The following HOXB13 variants were observed in gnomAD, a reference collection of about 807,000 sequenced individuals.
HOXB13 encodes homeobox B13, also known as homeobox protein Hox-B13.
HOXB13 carries 22 observed loss-of-function variants against 23.1 expected under a neutral mutation model. The observed-to-expected ratio is 0.95, with a 90% CI of 0.68 to 1.36. The LOEUF (loss-of-function observed/expected upper bound fraction) is 1.36, where lower values mean the gene tolerates loss of function less well. Ranked by LOEUF, HOXB13 falls within the 40% of genes most tolerant of loss-of-function variation. The pLI, the probability that HOXB13 is intolerant of heterozygous loss-of-function variation, is 0.00. For synonymous variants in HOXB13, 173 were observed against 157.9 expected (o/e 1.10, Z -0.72); for missense variants, 386 against 376.2 (o/e 1.03, Z -0.22).
At position 48,724,881 on chromosome 17, in the gene HOXB13, G is replaced by T. The variant is rs1242003830; in HGVS notation, c.*1909C>A. 3 of 398,900 alleles carry T rather than the reference G, an allele frequency of 7.5e-6. No homozygotes were observed. Among genetic ancestry groups the T allele is most frequent in the African/African-American group, 2.1e-5 (1 of 48,662 alleles). 24.7% of individuals were successfully genotyped at this position (398,900 alleles called of 1,614,324 possible). A position where few individuals can be genotyped will look rare whatever the true frequency, so the allele number is the denominator to read the frequency against. On this transcript the variant is annotated 3_prime_UTR_variant, in exon 2 of 2. Transcript: ENST00000290295. ...AGTCCAGAGGTTCCAGACCCCCAAA[G>T]GTCTCTACCAGGGCCATCTCCGTTA...
Position 48,728,706 on chromosome 17 carries a change from G to C in HOXB13, c.-113C>G. On this transcript the variant is annotated 5_prime_UTR_variant, in exon 1 of 2. Transcript: ENST00000290295. Reference sequence around the variant, plus strand: ...AAGCGTTTTAAATCGCTCCCAGCTCGCAAGTCGCCTGCATTCGCTCAGCAC... The same window carrying C: ...AAGCGTTTTAAATCGCTCCCAGCTCCCAAGTCGCCTGCATTCGCTCAGCAC... The C allele has an allele frequency of 9.7e-7, 1 of 1,027,926 alleles. No homozygotes were observed. Among genetic ancestry groups the C allele is most frequent in the South Asian group, 1.6e-5 (1 of 63,008 alleles). 63.7% of individuals were successfully genotyped at this position (1,027,926 alleles called of 1,614,324 possible).
chr17:48,728,072 G>T lies in HOXB13; in HGVS notation c.522C>A (p.Leu174=). ...LPVDSYQSWA[L]AGGWNSQMCC... ...ACATCTGGCTGTTCCAGCCACCAGC[G>T]AGAGCCCAAGACTGGTAACTGTCCA... Residue 174 remains leucine, a synonymous_variant, in exon 1 of 2, where the codon CTC becomes CTA. Transcript: ENST00000290295. The T allele has an allele frequency of 1.2e-6, 2 of 1,614,180 alleles. No homozygotes were observed. Among genetic ancestry groups the T allele is most frequent in the South Asian group, 2.2e-5 (2 of 91,080 alleles).
Position 48,728,093 on chromosome 17 carries a change from G to C in HOXB13, c.501C>G (p.Asp167Glu), listed in dbSNP as rs2038231997. ...EPRHDSLLPV[D>E]SYQSWALAGG... ...CAGCGAGAGCCCAAGACTGGTAACTGTCCACAGGCAACAGGGAGTCATGTC... is the reference window on the plus strand; with the variant it reads ...CAGCGAGAGCCCAAGACTGGTAACTCTCCACAGGCAACAGGGAGTCATGTC... The change falls in exon 1 of 2, where the codon GAC (aspartate) becomes GAG (glutamate). Residue 167 changes from aspartate (D) to glutamate (E), a missense_variant. Coordinates refer to ENST00000290295, the MANE Select transcript of HOXB13 (RefSeq NM_006361.6). The C allele has an allele frequency of 6.2e-7, 1 of 1,614,092 alleles. No individual in the cohort carries two copies. The highest frequency in any genetic ancestry group is 8.5e-7 in the Non-Finnish European group (1 of 1,180,048).
Position 48,728,379 on chromosome 17 carries a change from C to A in HOXB13, c.215G>T (p.Gly72Val), listed in dbSNP as rs774579054. The A allele has an allele frequency of 6.5e-5, 105 of 1,613,758 alleles. No homozygotes were observed. Among genetic ancestry groups the A allele is most frequent in the Non-Finnish European group, 8.9e-5 (105 of 1,180,008 alleles). Reference protein sequence around the residue: ...QCHPCPGVPQGTSPAPVPYGY... With the variant: ...QCHPCPGVPQVTSPAPVPYGY... Reference sequence around the variant, plus strand: ...ATAAGGCACGGGAGCTGGGGACGTCCCCTGGGGCACCCCAGGGCATGGGTG... The same window carrying A: ...ATAAGGCACGGGAGCTGGGGACGTCACCTGGGGCACCCCAGGGCATGGGTG... The change falls in exon 1 of 2, where the codon GGG becomes GTG. Residue 72 changes from glycine to valine, a missense_variant. Transcript: ENST00000290295.
chr17:48,727,953 C>A, intron 1 of HOXB13, 40 bp downstream of exon 1: 1 of 1,587,206 alleles, frequency 6.3e-7, no homozygotes, highest in Non-Finnish European at 8.6e-7. Flanking sequence ...ACCCACAACC[C>A]CAGGCTCAGA....
chr17:48,728,060 C>G lies in HOXB13; in HGVS notation c.534G>C (p.Trp178Cys). Residue 178 changes from tryptophan (W) to cysteine (C), a missense_variant, in exon 1 of 2, where the codon TGG becomes TGC. Coordinates refer to ENST00000290295, the MANE Select transcript of HOXB13 (RefSeq NM_006361.6). ...CTCCCTGGCAACACATCTGGCTGTT[C>G]CAGCCACCAGCGAGAGCCCAAGACT... ...SYQSWALAGG[W>C]NSQMCCQGEQ... 6.2e-7 allele frequency: 1 copy of G among 1,614,170 alleles called. No homozygotes were observed. Among genetic ancestry groups the G allele is most frequent in the Non-Finnish European group, 8.5e-7 (1 of 1,180,000 alleles).
Position 48,724,912 on chromosome 17 carries a change from G to A in HOXB13, c.*1878C>T, listed in dbSNP as rs2038190373. 2.7e-6 allele frequency: 1 copy of A among 366,970 alleles called. No individual in the cohort carries two copies. Among genetic ancestry groups the A allele is most frequent in the Non-Finnish European group, 4.8e-6 (1 of 207,444 alleles). 22.7% of individuals were successfully genotyped at this position (366,970 alleles called of 1,614,324 possible). A position where few individuals can be genotyped will look rare whatever the true frequency, so the allele number is the denominator to read the frequency against. ...TACCAGGGCCATCTCCGTTAGTGGC[G>A]GTGGCAGCCCCTCTTGTGGCCTTTT... On this transcript the variant is annotated 3_prime_UTR_variant, in exon 2 of 2. Transcript: ENST00000290295.
In HOXB13 at chr17:48,726,930, T is replaced by G. The variant is rs765973015; in HGVS notation, c.715A>C (p.Lys239Gln). The G allele has an allele frequency of 1.9e-6, 3 of 1,613,890 alleles. No individual in the cohort carries two copies. In the South Asian group the frequency reaches 3.3e-5, roughly 18 times the overall value. ...RELEREYAAN[K>Q]FITKDKRRKI... ...CGCCTCTTGTCCTTGGTGATGAACTTGTTAGCCGCATACTCCCGCTCCAGC... is the reference window on the plus strand; with the variant it reads ...CGCCTCTTGTCCTTGGTGATGAACTGGTTAGCCGCATACTCCCGCTCCAGC... The change falls in exon 2 of 2, where the codon AAG (lysine) becomes CAG (glutamine). Residue 239 changes from lysine to glutamine, a missense_variant. Physicochemically the swap from Lys to Gln is moderately conservative, Grantham distance 53. Transcript: ENST00000290295.
chr17:48,728,558 G>A lies in HOXB13; in HGVS notation c.36C>T (p.Ala12=). The A allele has an allele frequency of 6.2e-7, 1 of 1,612,934 alleles. No homozygotes were observed. Among genetic ancestry groups the A allele is most frequent in the Non-Finnish European group, 8.5e-7 (1 of 1,179,952 alleles). ...CTCCCAGCAAGCCTTCGATATCCTT[G>A]GCTCCATCCAAGGTGGCATAATTGC... ...EPGNYATLDG[A]KDIEGLLGAG... Residue 12 remains alanine (A), a synonymous_variant, in exon 1 of 2, where the codon GCC becomes GCT. Coordinates refer to ENST00000290295, the MANE Select transcript of HOXB13 (RefSeq NM_006361.6).
Position 48,726,650 on chromosome 17 carries a change from C to T in HOXB13, c.*140G>A. On this transcript the variant is annotated 3_prime_UTR_variant, in exon 2 of 2. Coordinates refer to ENST00000290295, the MANE Select transcript of HOXB13 (RefSeq NM_006361.6). ...ACCCAGGCCGCTCCTGAGGAACAGT[C>T]CAGCAGCCAGTGGCCTGGGAAGGGT... is the stretch of plus-strand genomic sequence containing the variant. The T allele has an allele frequency of 9.2e-7, 1 of 1,091,084 alleles. No homozygotes were observed. The highest frequency in any genetic ancestry group is 1.3e-6 in the Non-Finnish European group (1 of 772,574). The allele number at this position is 1,091,084 out of a possible 1,614,324, so 67.6% of individuals were successfully genotyped here.
Position 48,728,270 on chromosome 17 carries a change from C to A in HOXB13, c.324G>T (p.Ala108=), listed in dbSNP as rs768311961. Reference sequence around the variant, plus strand: ...CGGCCGTGGGAGTCTCCGCGGGGTACGCGGCCAGGGTGGCTGCCTGGGCAC... The same window carrying A: ...CGGCCGTGGGAGTCTCCGCGGGGTAAGCGGCCAGGGTGGCTGCCTGGGCAC... The part of the protein sequence containing the change: ...KPCAQAATLA[A]YPAETPTAGE... Residue 108 remains alanine (A), a synonymous_variant, in exon 1 of 2, where the codon GCG becomes GCT. Coordinates refer to ENST00000290295, the MANE Select transcript of HOXB13 (RefSeq NM_006361.6). 2.5e-6 allele frequency: 4 copies of A among 1,614,148 alleles called. No homozygotes were observed. The highest frequency in any genetic ancestry group is 3.4e-6 in the Non-Finnish European group (4 of 1,180,040).
At position 48,728,728 on chromosome 17, in the gene HOXB13, G is replaced by T; in HGVS notation, c.-135C>A. 1 of 813,976 alleles carries T rather than the reference G, an allele frequency of 1.2e-6. No individual in the cohort carries two copies. Among genetic ancestry groups the T allele is most frequent in the Non-Finnish European group, 1.9e-6 (1 of 520,984 alleles). 50.4% of individuals were successfully genotyped at this position (813,976 alleles called of 1,614,324 possible). ...CTCGCAAGTCGCCTGCATTCGCTCA[G>T]CACGGCCGTCTTGACGCAAGAGACG... On this transcript the variant is annotated 5_prime_UTR_variant, in exon 1 of 2. It adds an upstream start codon to the 5' untranslated region. Coordinates refer to ENST00000290295, the MANE Select transcript of HOXB13 (RefSeq NM_006361.6).
In HOXB13 at chr17:48,728,630, G is replaced by T; in HGVS notation, c.-37C>A. On this transcript the variant is annotated 5_prime_UTR_variant, in exon 1 of 2. Transcript: ENST00000290295. ...TCGGCTCATGAGGTGCGGGGGCGGG[G>T]AATCTAGGGGGCACCCAGCTCGCTC... 6.2e-7 allele frequency: 1 copy of T among 1,605,496 alleles called. No homozygotes were observed. Among genetic ancestry groups the T allele is most frequent in the Admixed American group, 1.7e-5 (1 of 59,032 alleles).
Position 48,728,083 on chromosome 17 carries a change from A to G in HOXB13, c.511T>C (p.Ser171Pro), listed in dbSNP as rs1360003941. The part of the protein sequence containing the change: ...DSLLPVDSYQ[S>P]WALAGGWNSQ... Reference sequence around the variant, plus strand: ...TTCCAGCCACCAGCGAGAGCCCAAGACTGGTAACTGTCCACAGGCAACAGG... The same window carrying G: ...TTCCAGCCACCAGCGAGAGCCCAAGGCTGGTAACTGTCCACAGGCAACAGG... Residue 171 changes from serine to proline, a missense_variant, in exon 1 of 2, where the codon TCT becomes CCT. Ser to Pro is a moderately conservative substitution (Grantham distance 74). Transcript: ENST00000290295. 1.2e-6 allele frequency: 2 copies of G among 1,614,150 alleles called. No individual in the cohort carries two copies. The highest frequency in any genetic ancestry group is 1.7e-6 in the Non-Finnish European group (2 of 1,180,020).
At chr17:48,727,884 A>G in intron 1 of HOXB13, 109 bp downstream of exon 1, 1 of 1,327,730 alleles carries the variant, frequency 7.5e-7, no homozygotes, top group Non-Finnish European at 1.0e-6. Flanking sequence ...AGGAGCACCA[A>G]GCTCATCCTC....
rs1274753809 is a variant in HOXB13, at chr17:48,728,020, C to A, written c.574G>T (p.Gly192Cys). The change falls in exon 1 of 2, where the codon GGT becomes TGT. Residue 192 changes from glycine (G) to cysteine (C), a missense_variant. Physicochemically the swap from Gly to Cys is radical, Grantham distance 159. Coordinates refer to ENST00000290295, the MANE Select transcript of HOXB13 (RefSeq NM_006361.6). ...MCCQGEQNPP[G>C]PFWKAAFADS... ...GCAAATGCTGCCTTCCAAAAGGGACCTGGTGGGTTCTGTTCTCCCTGGCAA... is the reference window on the plus strand; with the variant it reads ...GCAAATGCTGCCTTCCAAAAGGGACATGGTGGGTTCTGTTCTCCCTGGCAA... The A allele has an allele frequency of 6.2e-7, 1 of 1,614,152 alleles. No homozygotes were observed. Among genetic ancestry groups the A allele is most frequent in the Non-Finnish European group, 8.5e-7 (1 of 1,180,008 alleles).
At position 48,728,461 on chromosome 17, in the gene HOXB13, C is replaced by T. The variant is rs1185233318; in HGVS notation, c.133G>A (p.Ala45Thr). 1.2e-6 allele frequency: 2 copies of T among 1,613,076 alleles called. No homozygotes were observed. Among genetic ancestry groups the T allele is most frequent in the Non-Finnish European group, 1.7e-6 (2 of 1,179,746 alleles). The change falls in exon 1 of 2, where the codon GCT (alanine) becomes ACT (threonine). Residue 45 changes from alanine (A) to threonine (T), a missense_variant. By Grantham distance (58) the Ala-to-Thr change is moderately conservative. Coordinates refer to ENST00000290295, the MANE Select transcript of HOXB13 (RefSeq NM_006361.6). Reference protein sequence around the residue: ...SHPAAPTLMPAVNYAPLDLPG... With the variant: ...SHPAAPTLMPTVNYAPLDLPG... ...AGATCCAAGGGGGCATAGTTGACAG[C>T]AGGCATCAGCGTAGGCGCCGCTGGG... is the stretch of plus-strand genomic sequence containing the variant.
chr17:48,725,222 G>A lies in HOXB13; in HGVS notation c.*1568C>T, dbSNP rs1242651212. On this transcript the variant is annotated 3_prime_UTR_variant, in exon 2 of 2. Coordinates refer to ENST00000290295, the MANE Select transcript of HOXB13 (RefSeq NM_006361.6). The stretch of plus-strand genomic sequence containing the variant: ...CCGAGGACCTTAAGCTGGACCACGG[G>A]GCTTGGACGATTTTTTAAATCAGGA... 6.6e-6 allele frequency: 1 copy of A among 152,624 alleles called. No individual in the cohort carries two copies. The highest frequency in any genetic ancestry group is 1.5e-5 in the Non-Finnish European group (1 of 68,336). The allele number at this position is 152,624 out of a possible 1,614,324, so 9.5% of individuals were successfully genotyped here.
chr17:48,725,490 T>G lies in HOXB13; in HGVS notation c.*1300A>C, dbSNP rs2038198857. Reference sequence around the variant, plus strand: ...CCGCGGGGTTTCTAGGAGAGCTGGCTCCGGGAGGGAAATGTCCTCGAGGTA... The same window carrying G: ...CCGCGGGGTTTCTAGGAGAGCTGGCGCCGGGAGGGAAATGTCCTCGAGGTA... On this transcript the variant is annotated 3_prime_UTR_variant, in exon 2 of 2. Coordinates refer to ENST00000290295, the MANE Select transcript of HOXB13 (RefSeq NM_006361.6). The G allele has an allele frequency of 6.6e-6, 1 of 152,146 alleles. No homozygotes were observed. Among genetic ancestry groups the G allele is most frequent in the South Asian group, 2.1e-4 (1 of 4,826 alleles). 9.4% of individuals were successfully genotyped at this position (152,146 alleles called of 1,614,324 possible). A position where few individuals can be genotyped will look rare whatever the true frequency, so the allele number is the denominator to read the frequency against.
Sources: gnomAD v4.1 joint callset for allele counts on GRCh38, gnomAD v4.1.1 for gene constraint, MANE v1.5 for transcripts, NCBI Gene and HGNC (gene_info 2026-07-23, HGNC 2026-07-21) for gene names.